Variants in HS6ST3 observed in about 807,000 individuals in gnomAD.
HS6ST3 encodes heparan-sulfate 6-O-sulfotransferase 3.
A neutral mutation model predicts 36.7 loss-of-function variants in HS6ST3; 12 were observed. The ratio of observed to expected loss-of-function variants is 0.33; its 90% confidence interval spans 0.21 to 0.53. The LOEUF (loss-of-function observed/expected upper bound fraction) is 0.53. Ranked by LOEUF, HS6ST3 falls within the 20% of genes least tolerant of loss-of-function variation. The pLI is 0.95. For missense variants in HS6ST3, 584 were observed against 640.9 expected, an observed-to-expected ratio of 0.91 and a Z score of 0.96; for synonymous variants, 240 against 257.5, an observed-to-expected ratio of 0.93 and a Z score of 0.65.
At chr13:96,412,517 A>G (rs1414186403) in intron 1 of HS6ST3, among the ~76,000 whole-genome samples, 2 of 152,164 alleles carry the variant, frequency 1.3e-5, no homozygotes, top group East Asian at 1.9e-4. Flanking sequence ...TTCTTAATCC[A>G]TTAGAACAAA....
At chr13:96,155,179 T>C (rs1021206956) in intron 1 of HS6ST3, among the ~76,000 whole-genome samples, 9 of 152,202 alleles carry the variant, frequency 5.9e-5, no homozygotes, top group African/African-American at 2.2e-4. Flanking sequence ...ATTACATGTA[T>C]ACCATAATTA....
chr13:96,451,833 G>T (rs1392627144), intron 1 of HS6ST3, among the ~76,000 whole-genome samples: 2 of 152,062 alleles, frequency 1.3e-5, no homozygotes, highest in African/African-American at 4.8e-5. Flanking sequence ...ATACTAGGAG[G>T]TTTTTCCTTT....
intron 1 of HS6ST3, among the ~76,000 whole-genome samples, chr13:96,395,706 G>T (rs143894562): frequency 2.0e-5 from 3 of 152,142 alleles, no homozygotes; most frequent in Non-Finnish European, 4.4e-5. Flanking sequence ...TTTCAGTAGG[G>T]TTGAATCCTT....
intron 1 of HS6ST3, among the ~76,000 whole-genome samples, chr13:96,785,032 G>A (rs529266937): frequency 1.7e-3 from 255 of 152,206 alleles, no homozygotes; most frequent in African/African-American, 5.7e-3. Flanking sequence ...AGATGAGCAT[G>A]GTGGCACACA....
chr13:96,302,800 A>G (rs1392201903), intron 1 of HS6ST3, among the ~76,000 whole-genome samples: 1 of 152,168 alleles, frequency 6.6e-6, no homozygotes, highest in Non-Finnish European at 1.5e-5. Flanking sequence ...ACACTTTTTA[A>G]AAGTTTGCTA....
At chr13:96,647,277 A>G (rs1170551863) in intron 1 of HS6ST3, among the ~76,000 whole-genome samples, 1 of 152,056 alleles carries the variant, frequency 6.6e-6, no homozygotes. Context: ...TACCATTTGT[A>G]TGCTGTAACC....
At chr13:96,450,144 C>T (rs1408463540) in intron 1 of HS6ST3, among the ~76,000 whole-genome samples, 1 of 152,128 alleles carries the variant, frequency 6.6e-6, no homozygotes, top group East Asian at 1.9e-4. Context: ...TGCTCAATGG[C>T]AGGTCAGTGA....
At chr13:96,438,970 G>A (rs2055656614) in intron 1 of HS6ST3, among the ~76,000 whole-genome samples, 1 of 152,102 alleles carries the variant, frequency 6.6e-6, no homozygotes, top group Non-Finnish European at 1.5e-5. Context: ...AAGGGGCTGA[G>A]GCAGGAGACT....
intron 1 of HS6ST3, among the ~76,000 whole-genome samples, chr13:96,181,204 T>C (rs1164412029): frequency 6.6e-6 from 1 of 152,200 alleles, no homozygotes; most frequent in Non-Finnish European, 1.5e-5. Flanking sequence ...GGTACTAGAT[T>C]ATAAAAATTA....
intron 1 of HS6ST3, among the ~76,000 whole-genome samples, chr13:96,561,792 A>T (rs2056263281): frequency 6.6e-6 from 1 of 152,174 alleles, no homozygotes; most frequent in South Asian, 2.1e-4. Context: ...ATCATCACTA[A>T]TCATCAGATA....
At chr13:96,391,823 C>T (rs1373052742) in intron 1 of HS6ST3, among the ~76,000 whole-genome samples, 1 of 152,192 alleles carries the variant, frequency 6.6e-6, no homozygotes, top group Non-Finnish European at 1.5e-5. Flanking sequence ...AGGTTCCTTC[C>T]ATGACACGTG....
At chr13:96,814,367 C>T (rs1209177319) in intron 1 of HS6ST3, among the ~76,000 whole-genome samples, 1 of 152,066 alleles carries the variant, frequency 6.6e-6, no homozygotes, top group African/African-American at 2.4e-5. Flanking sequence ...TTCATTATTT[C>T]TAGTCTTCAG....
At chr13:96,132,681 CA>C (rs1396481996) in intron 1 of HS6ST3, among the ~76,000 whole-genome samples, 4 of 152,150 alleles carry the variant, frequency 2.6e-5, no homozygotes, top group Non-Finnish European at 5.9e-5. Context: ...GCTGGGATTG[CA>C]GGTATGAGCC....
In HS6ST3 at chr13:96,838,713, G is replaced by C. The variant is rs889796443; in HGVS notation, c.*5515G>C. 3.3e-5 allele frequency: 5 copies of C among 152,036 alleles called. No individual in the cohort carries two copies. The highest frequency in any genetic ancestry group is 1.2e-4 in the African/African-American group (5 of 41,428). The allele number at this position is 152,036 out of a possible 1,614,324, so 9.4% of individuals were successfully genotyped here. The stretch of plus-strand genomic sequence containing the variant: ...ACTAATTCCTTGAGACTTCAAATTA[G>C]CCCTTCTGAGCAAGTGGGCAGGTTC... On this transcript the variant is annotated 3_prime_UTR_variant, in exon 2 of 2. Transcript: ENST00000376705.
intron 1 of HS6ST3, among the ~76,000 whole-genome samples, chr13:96,769,738 G>GTGTGTA (rs1846040410): frequency 1.7e-5 from 1 of 57,890 alleles, no homozygotes; most frequent in African/African-American, 3.6e-5. Context: ...CTAGCTCTGT[G>GTGTGTA]TGTGTGTGTG....
chr13:96,487,684 T>C (rs930517376), intron 1 of HS6ST3, among the ~76,000 whole-genome samples: 7 of 152,100 alleles, frequency 4.6e-5, no homozygotes, highest in Admixed American at 4.6e-4. Context: ...TAGAATTAGC[T>C]CTTAATATAT....
chr13:96,832,620 G>A lies in HS6ST3; in HGVS notation c.838G>A (p.Glu280Lys), dbSNP rs1180606417. The part of the protein sequence containing the change: ...MCDGRSPTPD[E>K]LPTCYPGDDW... ...TGATGGAAGAAGCCCCACCCCAGAT[G>A]AGCTGCCTACCTGCTACCCTGGGGA... Residue 280 changes from glutamate (E) to lysine (K), a missense_variant, in exon 2 of 2, where the codon GAG becomes AAG. Glu to Lys is a moderately conservative substitution (Grantham distance 56, BLOSUM62 1). Coordinates refer to ENST00000376705, the MANE Select transcript of HS6ST3 (RefSeq NM_153456.4). The A allele has an allele frequency of 1.9e-6, 3 of 1,614,030 alleles. No homozygotes were observed. The highest frequency in any genetic ancestry group is 2.5e-6 in the Non-Finnish European group (3 of 1,180,014).
chr13:96,804,562 G>A (rs1009105141), intron 1 of HS6ST3, among the ~76,000 whole-genome samples: 1 of 151,978 alleles, frequency 6.6e-6, no homozygotes, highest in Non-Finnish European at 1.5e-5. Context: ...TAAAATTCCT[G>A]CTTATATAGG....
chr13:96,618,727 A>G (rs899334552), intron 1 of HS6ST3, among the ~76,000 whole-genome samples: 3 of 152,176 alleles, frequency 2.0e-5, no homozygotes, highest in Non-Finnish European at 2.9e-5. Context: ...TATTGAGTCT[A>G]TTCACTATTT....
Sources: allele counts gnomAD v4.1 joint callset (sites outside exome capture counted in the v4.1 genomes callset), GRCh38; gene constraint gnomAD v4.1.1; transcripts MANE v1.5; gene names NCBI Gene and HGNC (gene_info 2026-07-23, HGNC 2026-07-21).